ATAD2B: variants seen among roughly 807,000 people sequenced by gnomAD.
ATAD2B encodes ATPase family AAA domain containing 2B.
Under a neutral mutation model 167.6 loss-of-function variants are expected in ATAD2B, and 40 were observed. The ratio of observed to expected loss-of-function variants is 0.24; its 90% CI spans 0.19 to 0.31. ATAD2B has a LOEUF of 0.31. ATAD2B is among the 10% of genes least tolerant of loss of function. The pLI is 1.00. For missense variants in ATAD2B, 1,242 were observed against 1,757.2 expected, an observed-to-expected ratio of 0.71 and a Z score of 5.24; for synonymous variants, 579 against 596.5, an observed-to-expected ratio of 0.97 and a Z score of 0.43.
intron 18 of ATAD2B, among the ~76,000 whole-genome samples, chr2:23,803,718 A>G (rs979543668): frequency 6.6e-6 from 1 of 152,216 alleles, no homozygotes; most frequent in African/African-American, 2.4e-5. Flanking sequence ...ATTCTTGTGC[A>G]TGTATGTTTT....
intron 3 of ATAD2B, 23 bp downstream of exon 3, chr2:23,888,327 C>G (rs978401842): frequency 1.3e-6 from 2 of 1,507,736 alleles, no homozygotes; most frequent in African/African-American, 2.8e-5. Flanking sequence ...TAAAACTAAC[C>G]AGTTTTATAA....
chr2:23,867,786 A>T, intron 10 of ATAD2B, 49 bp downstream of exon 10: 1 of 1,357,460 alleles, frequency 7.4e-7, no homozygotes. Context: ...AACAAGAAAA[A>T]AACTTTTAAA....
At chr2:23,709,526 A>G in the ATAD2B span, among the ~76,000 whole-genome samples, 2 of 152,120 alleles carry the variant, frequency 1.3e-5, no homozygotes, top group African/African-American at 4.8e-5. Context: ...TGGCAGGGAA[A>G]GTAGTTTAGA....
the ATAD2B span, chr2:23,707,189 C>T: frequency 1.3e-5 from 2 of 152,388 alleles, no homozygotes; most frequent in South Asian, 2.1e-4. Context: ...GGCTGCTGGT[C>T]CCCACTGGGG....
At chr2:23,882,024 T>A (rs989066221) in intron 6 of ATAD2B, among the ~76,000 whole-genome samples, 2 of 146,338 alleles carry the variant, frequency 1.4e-5, no homozygotes, top group Non-Finnish European at 3.0e-5. Context: ...TATTATTTTT[T>A]AAAAATGATT....
chr2:23,924,388 T>C (rs552693498), intron 1 of ATAD2B, among the ~76,000 whole-genome samples: 6 of 152,268 alleles, frequency 3.9e-5, no homozygotes, highest in Admixed American at 6.5e-5. Context: ...CCCACAGACA[T>C]AGAGGGTGTC....
the ATAD2B span, among the ~76,000 whole-genome samples, chr2:23,709,183 A>G: frequency 6.6e-6 from 1 of 152,038 alleles, no homozygotes; most frequent in South Asian, 2.1e-4. Context: ...CTGGGATTAC[A>G]AGCCTATGCC....
intron 22 of ATAD2B, among the ~76,000 whole-genome samples, chr2:23,781,690 G>A (rs1680078969): frequency 1.3e-5 from 2 of 149,828 alleles, no homozygotes; most frequent in South Asian, 4.2e-4. Context: ...AACAATAATA[G>A]CCAATGACCA....
the ATAD2B span, among the ~76,000 whole-genome samples, chr2:23,682,253 A>G: frequency 6.6e-6 from 1 of 151,680 alleles, no homozygotes; most frequent in Admixed American, 6.6e-5. The surrounding 1 kb of genome is among the most constrained non-coding windows in gnomAD (Gnocchi z 4.1). Context: ...GCACACTCCC[A>G]CCCGCTGAGC....
At chr2:23,722,750 A>T in the ATAD2B span, among the ~76,000 whole-genome samples, 1 of 152,200 alleles carries the variant, frequency 6.6e-6, no homozygotes, top group Non-Finnish European at 1.5e-5. Flanking sequence ...GATTCAACCC[A>T]AACAGATCCT....
chr2:23,919,461 C>T (rs1703573670), intron 1 of ATAD2B, among the ~76,000 whole-genome samples: 1 of 152,036 alleles, frequency 6.6e-6, no homozygotes, highest in African/African-American at 2.4e-5. Flanking sequence ...GTGGGAGGAT[C>T]ACTTGAGCCC....
chr2:23,888,753 T>C (rs958398195), intron 2 of ATAD2B, among the ~76,000 whole-genome samples: 1 of 152,152 alleles, frequency 6.6e-6, no homozygotes, highest in East Asian at 1.9e-4. Flanking sequence ...GTTGATGAAA[T>C]AAAATTCAAA....
At chr2:23,882,355 C>A (rs541412220) in intron 6 of ATAD2B, among the ~76,000 whole-genome samples, 1 of 151,822 alleles carries the variant, frequency 6.6e-6, no homozygotes, top group Admixed American at 6.6e-5. Context: ...ACCACAATGC[C>A]CGGCTAATTT....
intron 7 of ATAD2B, among the ~76,000 whole-genome samples, chr2:23,880,230 T>C (rs1697666526): frequency 6.6e-6 from 1 of 152,234 alleles, no homozygotes. Context: ...TGCTACCATG[T>C]ACTTTGACTT....
intron 22 of ATAD2B, among the ~76,000 whole-genome samples, chr2:23,767,868 C>A: frequency 6.8e-6 from 1 of 148,032 alleles, no homozygotes. Flanking sequence ...GGGAGACGGA[C>A]ATACTATTTA....
At chr2:23,798,889 C>T (rs1052280120) in intron 18 of ATAD2B, among the ~76,000 whole-genome samples, 3 of 152,130 alleles carry the variant, frequency 2.0e-5, no homozygotes, top group African/African-American at 7.2e-5. Context: ...ATAAAATAGT[C>T]ACAAAATACT....
intron 24 of ATAD2B, among the ~76,000 whole-genome samples, chr2:23,759,434 C>G (rs1676380520): frequency 6.6e-6 from 1 of 152,130 alleles, no homozygotes. Context: ...TATATTCACA[C>G]TGCTTAATAT....
the ATAD2B span, among the ~76,000 whole-genome samples, chr2:23,700,023 T>C: frequency 6.6e-6 from 1 of 152,188 alleles, no homozygotes; most frequent in East Asian, 1.9e-4. This position sits in a 1 kb window ranked among gnomAD's most constrained non-coding sequence, Gnocchi z 4.6. Flanking sequence ...ACTCGTGCCA[T>C]CCTTGACTTC....
intron 4 of ATAD2B, among the ~76,000 whole-genome samples, chr2:23,886,556 C>T (rs1698682485): frequency 6.6e-6 from 1 of 151,850 alleles, no homozygotes; most frequent in South Asian, 2.1e-4. Context: ...TAAAATAAAA[C>T]AATTTGTAAA....
Sources: allele counts gnomAD v4.1 joint callset (sites outside exome capture counted in the v4.1 genomes callset), GRCh38; gene constraint gnomAD v4.1.1; non-coding constraint Gnocchi (gnomAD v3.1); transcripts MANE v1.5; gene names NCBI Gene and HGNC (gene_info 2026-07-23, HGNC 2026-07-21).